The following HDAC9 variants were observed in gnomAD, a reference collection of about 807,000 sequenced individuals.
The protein encoded by HDAC9 is MEF-2 interacting transcription repressor (MITR) protein.
In HDAC9, 41 loss-of-function variants were observed where a neutral mutation model predicts 139.4. That is an observed-to-expected ratio of 0.29 (90% CI 0.23 to 0.38). HDAC9 has a LOEUF of 0.38. Ranked by LOEUF, HDAC9 falls within the 10% of genes least tolerant of loss-of-function variation. HDAC9 has a pLI of 1.00. For missense variants in HDAC9, 1,147 were observed against 1,297.0 expected (o/e 0.88, Z 1.78); for synonymous variants, 517 against 476.2 (o/e 1.09, Z -1.12).
chr7:18,975,494 C>G (rs1400971445), intron 24 of HDAC9, among the ~76,000 whole-genome samples: 1 of 152,100 alleles, frequency 6.6e-6, no homozygotes, highest in African/African-American at 2.4e-5. Flanking sequence ...AGCGTGAAGC[C>G]CGGAGTTTGC....
chr7:18,153,971 G>A (rs1786980842), intron 1 of HDAC9, among the ~76,000 whole-genome samples: 1 of 152,166 alleles, frequency 6.6e-6, no homozygotes, highest in African/African-American at 2.4e-5. Flanking sequence ...GTAGAACAGT[G>A]AGTAAAACGA....
intron 17 of HDAC9, among the ~76,000 whole-genome samples, chr7:18,810,835 A>T (rs552713277): frequency 6.6e-6 from 1 of 151,964 alleles, no homozygotes; most frequent in South Asian, 2.1e-4. Flanking sequence ...ATGCTCTTGC[A>T]TGGGAGTTTG....
At chr7:18,140,722 A>C (rs950007719) in intron 1 of HDAC9, among the ~76,000 whole-genome samples, 13 of 152,176 alleles carry the variant, frequency 8.5e-5, no homozygotes, top group Non-Finnish European at 1.6e-4. Flanking sequence ...ATTTTAACTT[A>C]CATGCCTATG....
intron 24 of HDAC9, among the ~76,000 whole-genome samples, chr7:18,969,622 A>G (rs1291210360): frequency 1.3e-5 from 2 of 152,220 alleles, no homozygotes; most frequent in African/African-American, 2.4e-5. Flanking sequence ...GGAAAGAGTA[A>G]ACATAATGAA....
intron 12 of HDAC9, chr7:18,668,436 G>A: frequency 1.1e-6 from 1 of 948,632 alleles, no homozygotes; most frequent in Non-Finnish European, 1.3e-6. Flanking sequence ...ATAAAAAAGG[G>A]ATAGTGCATC....
At chr7:18,120,639 A>T (rs549500747) in intron 1 of HDAC9, among the ~76,000 whole-genome samples, 1 of 152,196 alleles carries the variant, frequency 6.6e-6, no homozygotes, top group South Asian at 2.1e-4. Context: ...GGGTTTGGAG[A>T]TTTTCAAAAA....
At chr7:18,524,596 C>A (rs1806192423) in intron 2 of HDAC9, among the ~76,000 whole-genome samples, 1 of 152,028 alleles carries the variant, frequency 6.6e-6, no homozygotes, top group Admixed American at 6.6e-5. Context: ...CGTTTAAAAA[C>A]AAAAATTTTA....
At chr7:18,660,812 G>A (rs898001615) in intron 11 of HDAC9, among the ~76,000 whole-genome samples, 3 of 152,100 alleles carry the variant, frequency 2.0e-5, no homozygotes, top group Non-Finnish European at 4.4e-5. Flanking sequence ...AGAGGCCAGG[G>A]TAGCTGGAGC....
intron 1 of HDAC9, among the ~76,000 whole-genome samples, chr7:18,425,251 C>T (rs78009447): frequency 0.046 from 6,947 of 152,146 alleles, 274 homozygotes; most frequent in East Asian, 0.17. Flanking sequence ...AAATTATTAT[C>T]GCAGACAATT....
intron 2 of HDAC9, among the ~76,000 whole-genome samples, chr7:18,285,354 C>G (rs1391652458): frequency 6.6e-6 from 1 of 151,980 alleles, no homozygotes; most frequent in Non-Finnish European, 1.5e-5. Context: ...ATTTCTTTTA[C>G]TATTTTCCTT....
intron 17 of HDAC9, among the ~76,000 whole-genome samples, chr7:18,811,576 C>A (rs1226648285): frequency 6.6e-6 from 1 of 151,708 alleles, no homozygotes; most frequent in African/African-American, 2.4e-5. Flanking sequence ...TTTAATTCCA[C>A]TGGGGTCAGA....
At chr7:18,532,762 C>T (rs534331727) in intron 2 of HDAC9, among the ~76,000 whole-genome samples, 5 of 151,524 alleles carry the variant, frequency 3.3e-5, no homozygotes, top group Non-Finnish European at 7.4e-5. Context: ...TCTGCCTCTC[C>T]CCAATCCTCC....
At chr7:18,435,211 A>G (rs1221927610) in intron 1 of HDAC9, among the ~76,000 whole-genome samples, 1 of 152,080 alleles carries the variant, frequency 6.6e-6, no homozygotes, top group Non-Finnish European at 1.5e-5. Flanking sequence ...CATAGACCAT[A>G]TAGGAACACA....
intron 2 of HDAC9, among the ~76,000 whole-genome samples, chr7:18,555,280 A>C (rs2128681231): frequency 6.6e-6 from 1 of 152,320 alleles, no homozygotes; most frequent in Middle Eastern, 3.4e-3. Context: ...CTCCTAAGGA[A>C]ACAATTCTAA....
chr7:18,171,443 C>T (rs1435994005), intron 2 of HDAC9, among the ~76,000 whole-genome samples: 1 of 152,190 alleles, frequency 6.6e-6, no homozygotes, highest in African/African-American at 2.4e-5. Context: ...TTATTTCTTT[C>T]TCTTGCCTGA....
chr7:18,489,723 A>C (rs753677459), intron 1 of HDAC9, among the ~76,000 whole-genome samples: 3 of 152,052 alleles, frequency 2.0e-5, no homozygotes, highest in Non-Finnish European at 4.4e-5. Context: ...CTTTCATAGA[A>C]AAAATAAACT....
At chr7:18,435,367 C>A (rs1315852943) in intron 1 of HDAC9, among the ~76,000 whole-genome samples, 1 of 151,760 alleles carries the variant, frequency 6.6e-6, no homozygotes, top group East Asian at 2.0e-4. Flanking sequence ...ATGCAATTTA[C>A]CTATGTAACA....
chr7:18,852,600 G>C (rs761069624), intron 21 of HDAC9, among the ~76,000 whole-genome samples: 2 of 152,132 alleles, frequency 1.3e-5, no homozygotes, highest in Non-Finnish European at 2.9e-5. Context: ...AATATGCCTT[G>C]GTACATATAG....
intron 12 of HDAC9, among the ~76,000 whole-genome samples, chr7:18,707,156 G>A (rs569616339): frequency 1.3e-5 from 2 of 152,336 alleles, no homozygotes; most frequent in Admixed American, 6.5e-5. Context: ...GGAAAGCAGC[G>A]AGATGGCGTG....
Sources: allele counts gnomAD v4.1 joint callset (sites outside exome capture counted in the v4.1 genomes callset), GRCh38; gene constraint gnomAD v4.1.1; transcripts MANE v1.5; gene names NCBI Gene and HGNC (gene_info 2026-07-23, HGNC 2026-07-21).